CUEDC1: variants seen among roughly 807,000 people sequenced by gnomAD.
The protein encoded by CUEDC1 is CUE domain containing 1, also known as CUE domain-containing protein 1.
In CUEDC1, 30 loss-of-function variants were observed where a neutral mutation model predicts 43.7. The observed-to-expected ratio is 0.69, with a 90% CI of 0.51 to 0.93. The LOEUF (loss-of-function observed/expected upper bound fraction) is 0.93. CUEDC1 is among the 40% of genes least tolerant of loss of function. The pLI is 0.00. For missense variants in CUEDC1, 486 were observed against 549.0 expected, an observed-to-expected ratio of 0.89 and a Z score of 1.15; for synonymous variants, 223 against 223.6, an observed-to-expected ratio of 1.00 and a Z score of 0.02.
chr17:57,873,704 C>G lies in CUEDC1; in HGVS notation c.478G>C (p.Gly160Arg). Residue 160 changes from glycine (G) to arginine (R), a missense_variant, in exon 4 of 11, where the codon GGC (glycine) becomes CGC (arginine). Gly to Arg is a moderately radical substitution (Grantham distance 125). Coordinates refer to ENST00000577830, the MANE Select transcript of CUEDC1 (RefSeq NM_001271875.2). ...CTCTGGCTTGTAGGGGCTCCAGAGC[C>G]CAGCGCGTCGATACTAGGGGATGGC... is the stretch of plus-strand genomic sequence containing the variant. ...PTPPPRIDALGSGAPTSQRRY... is the reference protein window; with the variant it reads ...PTPPPRIDALRSGAPTSQRRY... 3.8e-6 allele frequency: 6 copies of G among 1,586,882 alleles called. No individual in the cohort carries two copies. Among genetic ancestry groups the G allele is most frequent in the Non-Finnish European group, 4.3e-6 (5 of 1,165,584 alleles).
chr17:57,946,387 CAG>C (rs2074959929), intron 1 of CUEDC1, among the ~76,000 whole-genome samples: 2 of 152,130 alleles, frequency 1.3e-5, no homozygotes, highest in Non-Finnish European at 2.9e-5. Context: ...CAGAACCAGT[CAG>C]GGGAGGAAAA....
At chr17:57,871,027 C>T (rs2074027421) in intron 6 of CUEDC1, among the ~76,000 whole-genome samples, 1 of 152,202 alleles carries the variant, frequency 6.6e-6, no homozygotes, top group Admixed American at 6.5e-5. Flanking sequence ...GTTGAGAGTT[C>T]AGCCAGCCTA....
chr17:57,923,247 G>A (rs2074714606), intron 1 of CUEDC1, among the ~76,000 whole-genome samples: 1 of 152,200 alleles, frequency 6.6e-6, no homozygotes, highest in Non-Finnish European at 1.5e-5. Context: ...ATGAATCTCT[G>A]TCCAGCCAGG....
intron 1 of CUEDC1, among the ~76,000 whole-genome samples, chr17:57,917,461 C>T (rs1291635594): frequency 6.6e-6 from 1 of 152,240 alleles, no homozygotes; most frequent in Non-Finnish European, 1.5e-5. Context: ...TCAACCAGGC[C>T]TTCACTCCAC....
chr17:57,894,090 C>T (rs2074384757), intron 1 of CUEDC1, among the ~76,000 whole-genome samples: 1 of 152,142 alleles, frequency 6.6e-6, no homozygotes, highest in Non-Finnish European at 1.5e-5. Flanking sequence ...AAGACTCCGT[C>T]TCAAAAACAA....
At chr17:57,872,323 G>A (rs973530170) in intron 5 of CUEDC1, among the ~76,000 whole-genome samples, 1 of 152,252 alleles carries the variant, frequency 6.6e-6, no homozygotes, top group Admixed American at 6.5e-5. Context: ...CCTGCCTTGG[G>A]GCTGGGGCTC....
chr17:57,937,336 C>T (rs936305615), intron 1 of CUEDC1, among the ~76,000 whole-genome samples: 3 of 151,994 alleles, frequency 2.0e-5, no homozygotes, highest in Non-Finnish European at 2.9e-5. Flanking sequence ...AGAGGCCTGG[C>T]GTGGTGGCTC....
At chr17:57,915,381 A>G (rs2074628683) in intron 1 of CUEDC1, among the ~76,000 whole-genome samples, 1 of 151,806 alleles carries the variant, frequency 6.6e-6, no homozygotes, top group Non-Finnish European at 1.5e-5. Flanking sequence ...TCCCATCTCA[A>G]GTGAGGCTTG....
At chr17:57,885,197 G>A (rs1186710249) in intron 2 of CUEDC1, 32 bp downstream of exon 2, 2 of 1,526,300 alleles carry the variant, frequency 1.3e-6, no homozygotes, top group South Asian at 1.3e-5. Context: ...GTCCTCCAGT[G>A]GTGGTTGGAA....
chr17:57,876,334 G>A (rs1433763967), intron 3 of CUEDC1, among the ~76,000 whole-genome samples: 1 of 152,110 alleles, frequency 6.6e-6, no homozygotes, highest in African/African-American at 2.4e-5. Context: ...GCCTCTGCAA[G>A]TGCTCCTTCC....
intron 1 of CUEDC1, among the ~76,000 whole-genome samples, chr17:57,953,059 C>T (rs1366124468): frequency 6.6e-6 from 1 of 152,154 alleles, no homozygotes; most frequent in Non-Finnish European, 1.5e-5. Flanking sequence ...ACCGACAACA[C>T]CCAGATCATA....
chr17:57,873,612 G>C lies in CUEDC1; in HGVS notation c.570C>G (p.Pro190=). 1 of 1,597,640 alleles carries C rather than the reference G, an allele frequency of 6.3e-7. No individual in the cohort carries two copies. The highest frequency in any genetic ancestry group is 8.5e-7 in the Non-Finnish European group (1 of 1,171,564). The change falls in exon 4 of 11, where the codon CCC becomes CCG. Residue 190 remains proline, a synonymous_variant. Transcript: ENST00000577830. ...TTACCTGTATGCTGTCCAGCTGCTG[G>C]GGCAGGATGCGGAGAAAGTCATCCG... ...NLPDDFLRIL[P]QQLDSIQGNA... is the part of the protein sequence containing the mutation.
At chr17:57,908,523 G>C (rs1419211394) in intron 1 of CUEDC1, among the ~76,000 whole-genome samples, 1 of 152,186 alleles carries the variant, frequency 6.6e-6, no homozygotes, top group African/African-American at 2.4e-5. Context: ...GCCTTGTGTG[G>C]GGCACATTTG....
chr17:57,912,125 C>T (rs143127737), intron 1 of CUEDC1, among the ~76,000 whole-genome samples: 14 of 152,294 alleles, frequency 9.2e-5, no homozygotes, highest in Non-Finnish European at 1.8e-4. Flanking sequence ...GCCCAACGCC[C>T]CCACCCCTGG....
rs970477763 is a variant in CUEDC1, at chr17:57,931,770, C to T, written c.-316+23455G>A. Among the ~76,000 whole-genome samples, 9 of 152,328 alleles carry T rather than the reference C, an allele frequency of 5.9e-5. No individual in the cohort carries two copies. The East Asian group carries it at 1.7e-3, about 29-fold the overall frequency. On this transcript the variant is annotated intron_variant, in intron 1 of 10. Transcript: ENST00000577830. ...CAACCAAAGGTGTCTCAATAAGACACAGTCCCGAATCCAGGGAGGATCCGG... is the reference window on the plus strand; with the variant it reads ...CAACCAAAGGTGTCTCAATAAGACATAGTCCCGAATCCAGGGAGGATCCGG...
At chr17:57,895,792 C>T (rs951551059) in intron 1 of CUEDC1, among the ~76,000 whole-genome samples, 3 of 152,224 alleles carry the variant, frequency 2.0e-5, no homozygotes, top group Admixed American at 6.5e-5. Context: ...AGGGCCCACG[C>T]TGGAGGAAGG....
chr17:57,904,813 G>A (rs1023774631), intron 1 of CUEDC1, among the ~76,000 whole-genome samples: 12 of 152,298 alleles, frequency 7.9e-5, no homozygotes, highest in Middle Eastern at 3.4e-3. Flanking sequence ...CTCTGCAGGG[G>A]TGGCTGCAGC....
intron 1 of CUEDC1, among the ~76,000 whole-genome samples, chr17:57,895,267 C>G (rs941560185): frequency 6.6e-6 from 1 of 152,190 alleles, no homozygotes; most frequent in African/African-American, 2.4e-5. Flanking sequence ...AGGTCCGATT[C>G]CAGATTTAAC....
chr17:57,945,538 T>C (rs2074952396), intron 1 of CUEDC1, among the ~76,000 whole-genome samples: 2 of 152,212 alleles, frequency 1.3e-5, no homozygotes, highest in South Asian at 4.1e-4. Flanking sequence ...CTTATGGCCA[T>C]GCTGAAAAGA....
Sources: allele counts gnomAD v4.1 joint callset (sites outside exome capture counted in the v4.1 genomes callset), GRCh38; gene constraint gnomAD v4.1.1; transcripts MANE v1.5; gene names NCBI Gene and HGNC (gene_info 2026-07-23, HGNC 2026-07-21).